VPS13A: variants seen among roughly 807,000 people sequenced by gnomAD.
VPS13A encodes the protein intermembrane lipid transfer protein VPS13A.
In VPS13A, 264 loss-of-function variants were observed where a neutral mutation model predicts 390.9. That is an observed-to-expected ratio of 0.68 (90% confidence interval 0.61 to 0.75). The LOEUF (loss-of-function observed/expected upper bound fraction) is 0.75. Among genes scored for constraint, VPS13A ranks in the 30% least tolerant of loss-of-function variants. VPS13A has a pLI of 0.00. For synonymous variants in VPS13A, 1,231 were observed against 1,227.1 expected, an observed-to-expected ratio of 1.00 and a Z score of -0.07; for missense variants, 3,409 against 3,733.9, an observed-to-expected ratio of 0.91 and a Z score of 2.27.
Position 77,256,619 on chromosome 9 carries a change from TTTC to T in VPS13A, c.2289-3458_2289-3456del, listed in dbSNP as rs754143084. Among the ~76,000 whole-genome samples the T allele has an allele frequency of 4.6e-5, 7 of 152,264 alleles. No homozygotes were observed. The East Asian group carries it at 1.2e-3, about 25-fold the overall frequency. On this transcript the variant is annotated intron_variant, in intron 22 of 71. Transcript: ENST00000360280. ...CCTATTATTATCAAGGAACTGTCTG[TTTC>T]TTCTTCTTAATTGTGTCAGTGCTTG...
At chr9:77,296,873 C>T (rs1164437338) in intron 33 of VPS13A, among the ~76,000 whole-genome samples, 1 of 151,912 alleles carries the variant, frequency 6.6e-6, no homozygotes, top group Non-Finnish European at 1.5e-5. Flanking sequence ...TTTTCTTGAG[C>T]GATCCTCCCT....
intron 5 of VPS13A, among the ~76,000 whole-genome samples, chr9:77,208,382 G>A (rs1825796131): frequency 6.6e-6 from 1 of 152,028 alleles, no homozygotes; most frequent in African/African-American, 2.4e-5. Flanking sequence ...AGATTTATAT[G>A]TATTATTTCT....
chr9:77,293,276 A>G, intron 31 of VPS13A, 65 bp from the exon 32 acceptor site: 32 of 1,424,762 alleles, frequency 2.2e-5, no homozygotes, highest in Non-Finnish European at 3.0e-5. Flanking sequence ...TTACTGTTTT[A>G]TTTTTGTACT....
chr9:77,384,913 A>G (rs762103224), intron 68 of VPS13A: 83 of 1,353,502 alleles, frequency 6.1e-5, no homozygotes, highest in South Asian at 1.6e-4. Context: ...TTGCTTTTAT[A>G]TATTTTATAG....
intron 69 of VPS13A, among the ~76,000 whole-genome samples, chr9:77,405,170 T>TA (rs1834544511): frequency 6.6e-6 from 1 of 152,194 alleles, no homozygotes; most frequent in Non-Finnish European, 1.5e-5. Context: ...AGAATTTATT[T>TA]AAAAATTAGA....
intron 51 of VPS13A, among the ~76,000 whole-genome samples, chr9:77,344,483 T>C (rs1444614116): frequency 6.6e-6 from 1 of 151,966 alleles, no homozygotes; most frequent in African/African-American, 2.4e-5. Context: ...TGGGGCCGGG[T>C]GCGGTGGCTC....
chr9:77,275,415 T>C, intron 24 of VPS13A, 83 bp from the exon 25 acceptor site: 1 of 1,304,694 alleles, frequency 7.7e-7, no homozygotes, highest in South Asian at 1.2e-5. Flanking sequence ...CTTAGTGTTT[T>C]AGTGTTCATA....
At chr9:77,215,953 A>G (rs1026618094) in intron 10 of VPS13A, among the ~76,000 whole-genome samples, 5 of 152,208 alleles carry the variant, frequency 3.3e-5, no homozygotes, top group Non-Finnish European at 7.3e-5. Flanking sequence ...TCTAGCTGCC[A>G]TGTACTGCAT....
chr9:77,248,977 T>A (rs906867812), intron 20 of VPS13A, among the ~76,000 whole-genome samples: 6 of 152,134 alleles, frequency 3.9e-5, no homozygotes, highest in African/African-American at 1.4e-4. Context: ...AGTTATCTGC[T>A]GGCATTGACC....
intron 23 of VPS13A, among the ~76,000 whole-genome samples, chr9:77,264,514 C>A (rs1315415763): frequency 6.6e-6 from 1 of 152,094 alleles, no homozygotes; most frequent in Non-Finnish European, 1.5e-5. Context: ...CCTTCACATC[C>A]CTTGTAAGTT....
At chr9:77,202,338 A>G (rs995166943) in intron 3 of VPS13A, among the ~76,000 whole-genome samples, 2 of 152,020 alleles carry the variant, frequency 1.3e-5, no homozygotes, top group Non-Finnish European at 2.9e-5. Flanking sequence ...TAATTTTTTC[A>G]TATTTCTGAT....
chr9:77,339,706 A>G lies in VPS13A; in HGVS notation c.6569A>G (p.Glu2190Gly). 1 of 1,614,052 alleles carries G rather than the reference A, an allele frequency of 6.2e-7. No homozygotes were observed. The highest frequency in any genetic ancestry group is 1.3e-5 in the African/African-American group (1 of 75,042). The change falls in exon 48 of 72, where the codon GAA (glutamate) becomes GGA (glycine). Residue 2190 changes from glutamate (E) to glycine (G), a missense_variant. Physicochemically the swap from Glu to Gly is moderately conservative, Grantham distance 98. This residue lies in a region of VPS13A where 2,717 missense variants were observed against 2,917.4 expected (regional missense o/e 0.93). Coordinates refer to ENST00000360280, the MANE Select transcript of VPS13A (RefSeq NM_033305.3). ...AGTTTTACTTGTGTTACAGAAATGG[A>G]AAAGACTGATTTAGATATTGCTGTC... ...FVSFTCVTEM[E>G]KTDLDIAVHM...
intron 1 of VPS13A, among the ~76,000 whole-genome samples, chr9:77,195,184 C>T (rs757491416): frequency 2.0e-5 from 3 of 152,068 alleles, no homozygotes; most frequent in Non-Finnish European, 2.9e-5. Context: ...AGTGCAGTGG[C>T]GCAATCTCGG....
intron 26 of VPS13A, among the ~76,000 whole-genome samples, chr9:77,277,562 C>T (rs185491021): frequency 2.0e-3 from 298 of 152,282 alleles, no homozygotes; most frequent in African/African-American, 6.9e-3. Flanking sequence ...CCTAAAAATC[C>T]TCTGTGCTCC....
chr9:77,282,365 A>G, intron 29 of VPS13A, 91 bp downstream of exon 29: 1 of 1,206,846 alleles, frequency 8.3e-7, no homozygotes, highest in Non-Finnish European at 1.2e-6. Flanking sequence ...TTAACTTCAA[A>G]TATTGGCTTC....
intron 22 of VPS13A, among the ~76,000 whole-genome samples, chr9:77,255,326 A>G (rs752310391): frequency 6.6e-6 from 1 of 152,090 alleles, no homozygotes; most frequent in Non-Finnish European, 1.5e-5. Context: ...TGCTCTCTAT[A>G]TATTAAATCA....
intron 61 of VPS13A, 138 bp from the exon 62 acceptor site, chr9:77,367,917 T>C: frequency 1.3e-6 from 1 of 782,740 alleles, no homozygotes; most frequent in Non-Finnish European, 2.1e-6. Flanking sequence ...AAAAGTAAAT[T>C]TCCTGATTGG....
In VPS13A at chr9:77,353,594, T is replaced by C; in HGVS notation, c.7605T>C (p.Leu2535=). 6.2e-7 allele frequency: 1 copy of C among 1,613,498 alleles called. No individual in the cohort carries two copies. Among genetic ancestry groups the C allele is most frequent in the Non-Finnish European group, 8.5e-7 (1 of 1,179,592 alleles). The change falls in exon 54 of 72, where the codon CTT becomes CTC. Residue 2535 remains leucine, a synonymous_variant. Coordinates refer to ENST00000360280, the MANE Select transcript of VPS13A (RefSeq NM_033305.3). ...AVALQDVGIS[L]VNNYTKQEVA... Reference sequence around the variant, plus strand: ...CATTACAAGATGTTGGAATTTCTCTTGTCAACAATTACACGAAGCAAGAAG... The same window carrying C: ...CATTACAAGATGTTGGAATTTCTCTCGTCAACAATTACACGAAGCAAGAAG...
chr9:77,271,376 C>A lies in VPS13A; in HGVS notation c.2428-1904C>A, dbSNP rs1826346353. 2.0e-5 allele frequency among the ~76,000 whole-genome samples: 3 copies of A among 152,064 alleles called. No homozygotes were observed. In the South Asian group the frequency reaches 6.2e-4, roughly 32 times the overall value. On this transcript the variant is annotated intron_variant, in intron 23 of 71. Transcript: ENST00000360280. ...CTTGTGAAACTTGAAAATAGCATAA[C>A]CCTTTGTAATTTAGTTTGGTAGTTT...
Sources: gnomAD v4.1 joint callset for allele counts (sites outside exome capture counted in the v4.1 genomes callset) on GRCh38, gnomAD v4.1.1 for gene constraint, gnomAD v4.1.1 regional missense constraint, MANE v1.5 for transcripts, NCBI Gene and HGNC (gene_info 2026-07-23, HGNC 2026-07-21) for gene names.